The following SMOX variants were observed in gnomAD, a reference collection of about 807,000 sequenced individuals.
SMOX encodes spermine oxidase, also known as flavin containing amine oxidase.
In SMOX, 22 loss-of-function variants were observed where a neutral mutation model predicts 51.0. The ratio of observed to expected loss-of-function variants is 0.43; its 90% CI spans 0.31 to 0.62. SMOX has a LOEUF of 0.62. Among genes scored for constraint, SMOX ranks in the 20% least tolerant of loss-of-function variants. The pLI, the probability that SMOX is intolerant of heterozygous loss-of-function variation, is 0.10. For missense variants in SMOX, 566 were observed against 777.7 expected (o/e 0.73, Z 3.24); for synonymous variants, 282 against 307.8 (o/e 0.92, Z 0.88).
At position 4,183,655 on chromosome 20, in the gene SMOX, G is replaced by T. The variant is rs1162905234; in HGVS notation, c.1530+1G>T. The T allele has an allele frequency of 1.2e-5, 18 of 1,563,066 alleles. No homozygotes were observed. In the Admixed American group the frequency reaches 3.4e-4, roughly 29 times the overall value. ...GTACACAGAGAGCTCAAAGACAGCG[G>T]TAAGCGGGGCGTTTGGGGTGAGGAG... On this transcript the variant is annotated splice_donor_variant, in intron 6 of 6. Transcript: ENST00000305958. LOFTEE classifies it high-confidence loss of function. This position sits in a 1 kb window ranked among gnomAD's most constrained non-coding sequence, Gnocchi z 4.3.
chr20:4,167,028 G>A lies in SMOX; in HGVS notation c.-26-8002G>A, dbSNP rs1172203759. Among the ~76,000 whole-genome samples the A allele has an allele frequency of 6.6e-6, 1 of 152,214 alleles. No individual in the cohort carries two copies. The highest frequency in any genetic ancestry group is 1.5e-5 in the Non-Finnish European group (1 of 68,036). On this transcript the variant is annotated intron_variant, in intron 1 of 6. Transcript: ENST00000305958. The surrounding 1 kb of genome is among the most constrained non-coding windows in gnomAD (Gnocchi z 4.8). ...GGGCCAGGGGACATTGCTGGGGGCGGGGGCTCTGCTGAAAGAGGCTCCCAA... is the reference window on the plus strand; with the variant it reads ...GGGCCAGGGGACATTGCTGGGGGCGAGGGCTCTGCTGAAAGAGGCTCCCAA...
At chr20:4,179,364 G>A (rs182657509) in intron 3 of SMOX, among the ~76,000 whole-genome samples, 4 of 152,222 alleles carry the variant, frequency 2.6e-5, no homozygotes, top group Admixed American at 2.6e-4. Flanking sequence ...TCAAGAGAGT[G>A]CGTTGTGGAT....
At position 4,177,309 on chromosome 20, in the gene SMOX, G is replaced by A; in HGVS notation, c.209-42G>A. The A allele has an allele frequency of 6.6e-7, 1 of 1,514,508 alleles. No homozygotes were observed. Among genetic ancestry groups the A allele is most frequent in the Non-Finnish European group, 9.0e-7 (1 of 1,114,316 alleles). 93.8% of individuals were successfully genotyped at this position (1,514,508 alleles called of 1,614,324 possible). ...GGAAGCAGTGCTGGCCCTCTCTGGAGAAGTCCCTAAGCCTCTAAGGGCCTG... is the reference window on the plus strand; with the variant it reads ...GGAAGCAGTGCTGGCCCTCTCTGGAAAAGTCCCTAAGCCTCTAAGGGCCTG... On this transcript the variant is annotated intron_variant, in intron 2 of 6. Transcript: ENST00000305958. This position sits in a 1 kb window ranked among gnomAD's most constrained non-coding sequence, Gnocchi z 4.3.
At position 4,172,856 on chromosome 20, in the gene SMOX, G is replaced by A. The variant is rs1245245972; in HGVS notation, c.-26-2174G>A. On this transcript the variant is annotated intron_variant, in intron 1 of 6. Transcript: ENST00000305958. This position sits in a 1 kb window ranked among gnomAD's most constrained non-coding sequence, Gnocchi z 7.7. ...ATTCCCGTCCAGGCCCAGGCATCGC[G>A]GGGGCAGGTGCAATGGGCGGGGGAG... Among the ~76,000 whole-genome samples, 3 of 152,080 alleles carry A rather than the reference G, an allele frequency of 2.0e-5. No individual in the cohort carries two copies. The highest frequency in any genetic ancestry group is 2.1e-4 in the South Asian group (1 of 4,806).
intron 1 of SMOX, among the ~76,000 whole-genome samples, chr20:4,159,758 A>G (rs79380639): frequency 0.012 from 1,865 of 152,346 alleles, 17 homozygotes; most frequent in Middle Eastern, 0.024. Flanking sequence ...TCTCCACTTC[A>G]TAGGGGTCTT....
At chr20:4,160,212 G>A (rs1227612884) in intron 1 of SMOX, among the ~76,000 whole-genome samples, 1 of 152,220 alleles carries the variant, frequency 6.6e-6, no homozygotes, top group Non-Finnish European at 1.5e-5. Context: ...CAGAAAGCAG[G>A]TAGCTTCCCG....
Position 4,149,423 on chromosome 20 carries a change from G to T in SMOX, c.-27+446G>T, listed in dbSNP as rs1333702801. Among the ~76,000 whole-genome samples the T allele has an allele frequency of 1.3e-5, 2 of 149,318 alleles. No homozygotes were observed. Among genetic ancestry groups the T allele is most frequent in the Non-Finnish European group, 3.0e-5 (2 of 67,688 alleles). On this transcript the variant is annotated intron_variant, in intron 1 of 6. Coordinates refer to ENST00000305958, the MANE Select transcript of SMOX (RefSeq NM_175839.3). The surrounding 1 kb of genome is among the most constrained non-coding windows in gnomAD (Gnocchi z 6.0). ...GGCTGCCGGGAGGGTGGGCACCGGGGAGAGGACAGAAGGCTCCCGGGTGAT... is the reference window on the plus strand; with the variant it reads ...GGCTGCCGGGAGGGTGGGCACCGGGTAGAGGACAGAAGGCTCCCGGGTGAT...
At chr20:4,150,853 C>G (rs955292724) in intron 1 of SMOX, among the ~76,000 whole-genome samples, 1 of 113,990 alleles carries the variant, frequency 8.8e-6, no homozygotes, top group Non-Finnish European at 1.7e-5. Flanking sequence ...TTCTTTGAGA[C>G]GGAGTTTCGC....
chr20:4,187,542 T>A lies in SMOX; in HGVS notation c.*135T>A, dbSNP rs1004088017. 3.8e-6 allele frequency: 5 copies of A among 1,309,110 alleles called. No homozygotes were observed. The highest frequency in any genetic ancestry group is 4.7e-5 in the Admixed American group (2 of 42,332). 81.1% of individuals were successfully genotyped at this position (1,309,110 alleles called of 1,614,324 possible). On this transcript the variant is annotated 3_prime_UTR_variant, in exon 7 of 7. Transcript: ENST00000305958. This position sits in a 1 kb window ranked among gnomAD's most constrained non-coding sequence, Gnocchi z 4.8. ...TGTAGAGCTAGCCGCCCTGACTGCCTTCAGACCTGGCCCTGTAGCTTTTCT... is the reference window on the plus strand; with the variant it reads ...TGTAGAGCTAGCCGCCCTGACTGCCATCAGACCTGGCCCTGTAGCTTTTCT...
At position 4,152,907 on chromosome 20, in the gene SMOX, A is replaced by G. The variant is rs1985832499; in HGVS notation, c.-27+3930A>G. On this transcript the variant is annotated intron_variant, in intron 1 of 6. Coordinates refer to ENST00000305958, the MANE Select transcript of SMOX (RefSeq NM_175839.3). Reference sequence around the variant, plus strand: ...GTCATAGTCATACAACTAAATAATAACAGAGTAAGGATTGAATCCAAACAA... The same window carrying G: ...GTCATAGTCATACAACTAAATAATAGCAGAGTAAGGATTGAATCCAAACAA... 2.6e-5 allele frequency among the ~76,000 whole-genome samples: 4 copies of G among 152,214 alleles called. No homozygotes were observed. The South Asian group carries it at 8.3e-4, about 32-fold the overall frequency.
chr20:4,178,218 T>C (rs1056414213), intron 3 of SMOX, among the ~76,000 whole-genome samples: 1 of 152,138 alleles, frequency 6.6e-6, no homozygotes, highest in Admixed American at 6.5e-5. Context: ...TTTGTATTTT[T>C]AGTAGAGATG....
At chr20:4,185,360 G>T (rs1979653245) in intron 6 of SMOX, among the ~76,000 whole-genome samples, 1 of 152,176 alleles carries the variant, frequency 6.6e-6, no homozygotes, top group African/African-American at 2.4e-5. Flanking sequence ...ACTACTCAGG[G>T]TAGGTAGATC....
At chr20:4,171,288 A>C (rs1360901319) in intron 1 of SMOX, among the ~76,000 whole-genome samples, 2 of 152,286 alleles carry the variant, frequency 1.3e-5, no homozygotes, top group African/African-American at 4.8e-5. Flanking sequence ...AAACAAAACA[A>C]AACAAAACCC....
At position 4,183,731 on chromosome 20, in the gene SMOX, C is replaced by T. The variant is rs2122589948; in HGVS notation, c.1530+77C>T. ...TGTGTCCGGTCCAGGGTGAGGAGGGCTAGGGTAGTGTTCACTAAGGGGTGC... is the reference window on the plus strand; with the variant it reads ...TGTGTCCGGTCCAGGGTGAGGAGGGTTAGGGTAGTGTTCACTAAGGGGTGC... On this transcript the variant is annotated intron_variant, in intron 6 of 6. Transcript: ENST00000305958. This position sits in a 1 kb window ranked among gnomAD's most constrained non-coding sequence, Gnocchi z 4.3. The T allele has an allele frequency of 1.4e-6, 2 of 1,479,264 alleles. No individual in the cohort carries two copies. The highest frequency in any genetic ancestry group is 1.4e-5 in the South Asian group (1 of 72,424). The allele number at this position is 1,479,264 out of a possible 1,614,324, so 91.6% of individuals were successfully genotyped here.
Position 4,177,472 on chromosome 20 carries a change from C to T in SMOX, c.330C>T (p.Gly110=). 1 of 1,579,352 alleles carries T rather than the reference C, an allele frequency of 6.3e-7. No individual in the cohort carries two copies. The highest frequency in any genetic ancestry group is 8.6e-7 in the Non-Finnish European group (1 of 1,161,122). The change falls in exon 3 of 7, where the codon GGC becomes GGT. Residue 110 remains glycine (G), a synonymous_variant. Transcript: ENST00000305958. This position sits in a 1 kb window ranked among gnomAD's most constrained non-coding sequence, Gnocchi z 4.3. ...CAACCGATGGGGAACGCAGCGTGGG[C>T]CGCATCAGCCTCTATTCCAAGAATG... ...EETTDGERSV[G]RISLYSKNGV... is the part of the protein sequence containing the mutation.
At position 4,177,084 on chromosome 20, in the gene SMOX, AAAG is replaced by A. The variant is rs1307398439; in HGVS notation, c.209-262_209-260del. ...TACCTGAGAAAAAGGTGGGACGGAA[AAAG>A]AAGAGCCTTCTAACTGGTCCAGTAA... is the stretch of plus-strand genomic sequence containing the variant. On this transcript the variant is annotated intron_variant, in intron 2 of 6. Transcript: ENST00000305958. This position sits in a 1 kb window ranked among gnomAD's most constrained non-coding sequence, Gnocchi z 4.3. Among the ~76,000 whole-genome samples the A allele has an allele frequency of 4.6e-5, 7 of 152,200 alleles. 1 individual carries two copies. The highest frequency in any genetic ancestry group is 1.0e-4 in the Non-Finnish European group (7 of 68,042).
At chr20:4,165,252 C>T (rs901314438) in intron 1 of SMOX, among the ~76,000 whole-genome samples, 6 of 152,058 alleles carry the variant, frequency 3.9e-5, no homozygotes, top group Non-Finnish European at 1.5e-5. Context: ...GACGGGTTTT[C>T]ACCATGTTGG....
At chr20:4,169,622 C>T (rs928628527) in intron 1 of SMOX, among the ~76,000 whole-genome samples, 1 of 152,162 alleles carries the variant, frequency 6.6e-6, no homozygotes. Context: ...CTTGAGATAA[C>T]AGACAACAGA....
rs767227934 is a variant in SMOX, at chr20:4,183,560, G to A, written c.1436G>A (p.Arg479His). 7 of 1,613,890 alleles carry A rather than the reference G, an allele frequency of 4.3e-6. No individual in the cohort carries two copies. Among genetic ancestry groups the A allele is most frequent in the South Asian group, 2.2e-5 (2 of 91,070 alleles). The change falls in exon 6 of 7, where the codon CGC becomes CAC. Residue 479 changes from arginine (R) to histidine (H), a missense_variant. By Grantham distance (29) the Arg-to-His change is conservative. This residue lies in a region of SMOX where 347 missense variants were observed against 481.8 expected (regional missense o/e 0.72). Coordinates refer to ENST00000305958, the MANE Select transcript of SMOX (RefSeq NM_175839.3). This position sits in a 1 kb window ranked among gnomAD's most constrained non-coding sequence, Gnocchi z 4.3. ...GCCTGGGGCAGCAACCCTTACTTCC[G>A]CGGCTCCTATTCATACACGCAGGTG... ...RSAWGSNPYF[R>H]GSYSYTQVGS...
Sources: gnomAD v4.1 joint callset for allele counts (sites outside exome capture counted in the v4.1 genomes callset) on GRCh38, gnomAD v4.1.1 for gene constraint, gnomAD v4.1.1 regional missense constraint, Gnocchi (gnomAD v3.1) non-coding constraint, MANE v1.5 for transcripts, NCBI Gene and HGNC (gene_info 2026-07-23, HGNC 2026-07-21) for gene names.